ELF2: variants seen among roughly 807,000 people sequenced by gnomAD.
ELF2 encodes E74 like ETS transcription factor 2, also known as ETS-related transcription factor Elf-2.
In ELF2, 11 loss-of-function variants were observed where a neutral mutation model predicts 54.8. The observed-to-expected ratio is 0.20, with a 90% CI of 0.13 to 0.33. The LOEUF is 0.33. Ranked by LOEUF, ELF2 falls within the 10% of genes least tolerant of loss-of-function variation. ELF2 has a pLI of 1.00. For synonymous variants in ELF2, 203 were observed against 245.1 expected, an observed-to-expected ratio of 0.83 and a Z score of 1.61; for missense variants, 513 against 703.0, an observed-to-expected ratio of 0.73 and a Z score of 3.06.
intron 4 of ELF2, among the ~76,000 whole-genome samples, chr4:139,088,138 T>C (rs1490767362): frequency 6.6e-6 from 1 of 151,786 alleles, no homozygotes; most frequent in Non-Finnish European, 1.5e-5. Context: ...AATACAAAAA[T>C]TAGCTGGGTG....
At chr4:139,154,018 A>G (rs1303759641) in intron 1 of ELF2, among the ~76,000 whole-genome samples, 2 of 152,162 alleles carry the variant, frequency 1.3e-5, no homozygotes, top group East Asian at 1.9e-4. Flanking sequence ...CCTCTTTGGA[A>G]AAAGCACATG....
intron 1 of ELF2, among the ~76,000 whole-genome samples, chr4:139,157,180 C>T (rs1222213604): frequency 6.6e-6 from 1 of 152,128 alleles, no homozygotes; most frequent in East Asian, 1.9e-4. Context: ...TGTTACTATA[C>T]TGAATACTAT....
At chr4:139,077,853 T>C (rs1730538129) in intron 4 of ELF2, among the ~76,000 whole-genome samples, 1 of 17,824 alleles carries the variant, frequency 5.6e-5, no homozygotes. Flanking sequence ...ATGAAATTTA[T>C]AGAAGGAAAA....
chr4:139,088,439 G>A (rs1732231919), intron 4 of ELF2, among the ~76,000 whole-genome samples: 1 of 152,024 alleles, frequency 6.6e-6, no homozygotes, highest in Non-Finnish European at 1.5e-5. Flanking sequence ...TTCTTCAAAT[G>A]TCAATACTGA....
At chr4:139,094,753 A>C (rs1226108986) in intron 4 of ELF2, among the ~76,000 whole-genome samples, 1 of 152,178 alleles carries the variant, frequency 6.6e-6, no homozygotes, top group East Asian at 1.9e-4. Flanking sequence ...AGATTAAAGT[A>C]ATGTCATTTT....
rs114235004 is a variant in ELF2 at position 139,081,476 on chromosome 4, A to T, written c.239-7909T>A. Reference sequence around the variant, plus strand: ...CTTATCTCCTCTAGAAGTTGTATAAATATCATTCTACACTAATCATCAACC... The same window carrying T: ...CTTATCTCCTCTAGAAGTTGTATAATTATCATTCTACACTAATCATCAACC... On this transcript the variant is annotated intron_variant, in intron 4 of 9. Coordinates refer to ENST00000686138, the MANE Select transcript of ELF2 (RefSeq NM_001331036.3). Among the ~76,000 whole-genome samples the T allele has an allele frequency of 4.4e-3, 675 of 152,278 alleles. 9 individuals carry two copies. The highest frequency in any genetic ancestry group is 0.015 in the African/African-American group (641 of 41,560).
chr4:139,103,338 T>C (rs1241602943), intron 4 of ELF2, among the ~76,000 whole-genome samples: 1 of 152,188 alleles, frequency 6.6e-6, no homozygotes, highest in Non-Finnish European at 1.5e-5. Flanking sequence ...GGATGGGGGC[T>C]AGTCACCAGA....
chr4:139,161,934 A>T (rs1330565210), intron 1 of ELF2, among the ~76,000 whole-genome samples: 1 of 151,860 alleles, frequency 6.6e-6, no homozygotes, highest in African/African-American at 2.4e-5. Context: ...CTCTACTAAA[A>T]TTACAATAAA....
At chr4:139,114,577 A>AGT (rs1560826273) in intron 4 of ELF2, among the ~76,000 whole-genome samples, 6 of 146,694 alleles carry the variant, frequency 4.1e-5, no homozygotes, top group African/African-American at 1.0e-4. Flanking sequence ...ACACACACAC[A>AGT]CACACACACA....
At chr4:139,078,949 G>C (rs192653165) in intron 4 of ELF2, among the ~76,000 whole-genome samples, 1 of 152,006 alleles carries the variant, frequency 6.6e-6, no homozygotes. Flanking sequence ...TGTTTTTTGA[G>C]ACAAGGTCTC....
chr4:139,172,741 T>A (rs1742434778), intron 1 of ELF2, among the ~76,000 whole-genome samples: 2 of 152,112 alleles, frequency 1.3e-5, no homozygotes, highest in Admixed American at 1.3e-4. Flanking sequence ...ATTGTATTGT[T>A]TTTAATCTCT....
intron 3 of ELF2, among the ~76,000 whole-genome samples, chr4:139,127,754 C>G (rs1355062754): frequency 6.6e-6 from 1 of 152,084 alleles, no homozygotes; most frequent in African/African-American, 2.4e-5. Context: ...CACCTGAGGT[C>G]AGGTGTTCGA....
chr4:139,095,332 G>A (rs1414147986), intron 4 of ELF2, among the ~76,000 whole-genome samples: 1 of 151,972 alleles, frequency 6.6e-6, no homozygotes, highest in Non-Finnish European at 1.5e-5. Flanking sequence ...TTACAGGTAT[G>A]CAACATCACG....
intron 4 of ELF2, among the ~76,000 whole-genome samples, chr4:139,098,027 T>C (rs1046154616): frequency 2.6e-5 from 4 of 152,184 alleles, no homozygotes; most frequent in East Asian, 1.9e-4. Flanking sequence ...ATGACACTGA[T>C]TTTCTAGACA....
intron 4 of ELF2, chr4:139,101,811 T>G (rs961432574): frequency 4.6e-5 from 7 of 152,206 alleles, no homozygotes; most frequent in Non-Finnish European, 7.3e-5. Context: ...AATCAGTGCT[T>G]CTTGTCTCAA....
chr4:139,139,505 C>G lies in ELF2; in HGVS notation c.-251-8G>C. The G allele has an allele frequency of 8.2e-7, 1 of 1,221,184 alleles. No individual in the cohort carries two copies. The highest frequency in any genetic ancestry group is 1.0e-6 in the Non-Finnish European group (1 of 980,718). The allele number at this position is 1,221,184 out of a possible 1,614,324, so 75.6% of individuals were successfully genotyped here. A position where few individuals can be genotyped will look rare whatever the true frequency, so the allele number is the denominator to read the frequency against. ...ACCAGTAGTTCTTTGGAACTGCCAG[C>G]GGGAGGGGAAAAAAGATAATATTAA... On this transcript the variant is annotated splice_polypyrimidine_tract_variant and splice_region_variant and intron_variant, in intron 1 of 9. Coordinates refer to ENST00000686138, the MANE Select transcript of ELF2 (RefSeq NM_001331036.3).
At chr4:139,102,874 C>T (rs1181409012) in intron 4 of ELF2, among the ~76,000 whole-genome samples, 1 of 151,816 alleles carries the variant, frequency 6.6e-6, no homozygotes, top group Admixed American at 6.6e-5. Flanking sequence ...CTAACTAGAT[C>T]GGAGACATAA....
intron 1 of ELF2, among the ~76,000 whole-genome samples, chr4:139,142,402 G>A (rs1738791469): frequency 7.2e-6 from 1 of 138,702 alleles, no homozygotes; most frequent in Non-Finnish European, 1.6e-5. Flanking sequence ...GCAAGAGGAA[G>A]AAAGAATAGT....
intron 4 of ELF2, chr4:139,115,045 G>A: frequency 6.2e-7 from 1 of 1,613,918 alleles, no homozygotes; most frequent in Non-Finnish European, 8.5e-7. Flanking sequence ...GACCGTGGCA[G>A]CCCGGGCATC....
Sources: gnomAD v4.1 joint callset for allele counts (sites outside exome capture counted in the v4.1 genomes callset) on GRCh38, gnomAD v4.1.1 for gene constraint, MANE v1.5 for transcripts, NCBI Gene and HGNC (gene_info 2026-07-23, HGNC 2026-07-21) for gene names.